Variants in BCAS3 observed in about 807,000 individuals in gnomAD.
BCAS3 encodes BCAS4/BCAS3 fusion.
In BCAS3, 53 loss-of-function variants were observed where a neutral mutation model predicts 116.1. The ratio of observed to expected loss-of-function variants is 0.46; its 90% CI spans 0.37 to 0.57. BCAS3 has a LOEUF of 0.57. Among genes scored for constraint, BCAS3 ranks in the 20% least tolerant of loss-of-function variants. The pLI is 0.00. For synonymous variants in BCAS3, 391 were observed against 408.2 expected (o/e 0.96, Z 0.51); for missense variants, 917 against 1,165.4 (o/e 0.79, Z 3.10).
chr17:60,900,888 G>T (rs2057847973), intron 10 of BCAS3, among the ~76,000 whole-genome samples: 1 of 151,504 alleles, frequency 6.6e-6, no homozygotes, highest in Admixed American at 6.6e-5. Context: ...GTGTAGAACT[G>T]CTGACTCAGT....
At chr17:61,052,061 A>T (rs1268796172) in intron 19 of BCAS3, among the ~76,000 whole-genome samples, 1 of 152,036 alleles carries the variant, frequency 6.6e-6, no homozygotes, top group Non-Finnish European at 1.5e-5. Context: ...GGTTTATGGG[A>T]TTCTTGGATC....
chr17:60,826,648 C>T (rs2050454782), intron 7 of BCAS3, among the ~76,000 whole-genome samples: 1 of 152,140 alleles, frequency 6.6e-6, no homozygotes, highest in African/African-American at 2.4e-5. Context: ...TCTCCCTAAC[C>T]ATTTTACTAC....
rs973681549 is a variant in BCAS3 at position 60,949,033 on chromosome 17, C to T, written c.1221+1681C>T. On this transcript the variant is annotated intron_variant, in intron 14 of 23. Coordinates refer to ENST00000407086, the MANE Select transcript of BCAS3 (RefSeq NM_017679.5). Reference sequence around the variant, plus strand: ...CTGGGATTACAGGCATGTGCCACCACGCCTGGCTAATTTTTGTATGTTTAG... The same window carrying T: ...CTGGGATTACAGGCATGTGCCACCATGCCTGGCTAATTTTTGTATGTTTAG... 2.6e-5 allele frequency among the ~76,000 whole-genome samples: 4 copies of T among 152,066 alleles called. No individual in the cohort carries two copies. The East Asian group carries it at 5.8e-4, about 22-fold the overall frequency.
chr17:60,768,228 T>C (rs2044309510), intron 6 of BCAS3, among the ~76,000 whole-genome samples: 1 of 152,144 alleles, frequency 6.6e-6, no homozygotes, highest in African/African-American at 2.4e-5. Context: ...TAATACTGAG[T>C]GTCAACTTGA....
rs1316817046 is a variant in BCAS3, at chr17:61,145,688, T to C, written c.2425+61124T>C. On this transcript the variant is annotated intron_variant, in intron 22 of 23. Transcript: ENST00000407086. The surrounding 1 kb of genome is among the most constrained non-coding windows in gnomAD (Gnocchi z 5.0). ...ATATCCCTCCCCTTTTTACTTAAGC[T>C]GAAAAAGAATATAAAAATTAAAGAG... Among the ~76,000 whole-genome samples the C allele has an allele frequency of 1.3e-5, 2 of 152,134 alleles. No homozygotes were observed. Among genetic ancestry groups the C allele is most frequent in the African/African-American group, 2.4e-5 (1 of 41,432 alleles).
intron 14 of BCAS3, among the ~76,000 whole-genome samples, chr17:60,954,326 G>C (rs2061006536): frequency 6.6e-6 from 1 of 152,032 alleles, no homozygotes; most frequent in Non-Finnish European, 1.5e-5. Flanking sequence ...TTTTTGCTTA[G>C]GATTACGTTG....
chr17:60,928,141 C>A (rs2059458675), intron 13 of BCAS3, among the ~76,000 whole-genome samples: 1 of 152,092 alleles, frequency 6.6e-6, no homozygotes, highest in East Asian at 1.9e-4. Flanking sequence ...AAGAGATAGT[C>A]CCTATGCATA....
chr17:60,795,338 A>G (rs2047118340), intron 6 of BCAS3, among the ~76,000 whole-genome samples: 1 of 152,130 alleles, frequency 6.6e-6, no homozygotes, highest in South Asian at 2.1e-4. Context: ...AGGGTTTTCA[A>G]GGTAAATGAT....
At chr17:60,816,360 C>T (rs1217208353) in intron 7 of BCAS3, among the ~76,000 whole-genome samples, 1 of 150,520 alleles carries the variant, frequency 6.6e-6, no homozygotes, top group African/African-American at 2.5e-5. Context: ...CGGCAACCTC[C>T]ACCTCCCGGG....
chr17:61,219,756 C>T lies in BCAS3; in HGVS notation c.2425+135192C>T, dbSNP rs73991572. The stretch of plus-strand genomic sequence containing the variant: ...TCCAGCTGCTGCTTGTTTAGATGGC[C>T]GCCTTCCTGGTGACAAGCACTTCTT... On this transcript the variant is annotated intron_variant, in intron 22 of 23. Coordinates refer to ENST00000407086, the MANE Select transcript of BCAS3 (RefSeq NM_017679.5). This position sits in a 1 kb window ranked among gnomAD's most constrained non-coding sequence, Gnocchi z 5.2. 9.1e-3 allele frequency among the ~76,000 whole-genome samples: 1,389 copies of T among 152,204 alleles called. 22 individuals carry two copies. Among genetic ancestry groups the T allele is most frequent in the African/African-American group, 0.03 (1,250 of 41,506 alleles).
At chr17:60,798,137 T>C (rs1255635819) in intron 6 of BCAS3, among the ~76,000 whole-genome samples, 1 of 152,218 alleles carries the variant, frequency 6.6e-6, no homozygotes, top group Non-Finnish European at 1.5e-5. Context: ...GTGGTACATT[T>C]GTTACAAGTG....
At chr17:60,701,817 A>AAAAAGAAAG (rs2036444112) in intron 4 of BCAS3, among the ~76,000 whole-genome samples, 2 of 149,142 alleles carry the variant, frequency 1.3e-5, no homozygotes, top group African/African-American at 5.1e-5. Context: ...AAAAAAAAAA[A>AAAAAGAAAG]AAAAGAAAAA....
Position 61,233,654 on chromosome 17 carries a change from A to G in BCAS3, c.2426-134673A>G, listed in dbSNP as rs1167239777. Among the ~76,000 whole-genome samples the G allele has an allele frequency of 6.6e-6, 1 of 152,206 alleles. No homozygotes were observed. The highest frequency in any genetic ancestry group is 1.5e-5 in the Non-Finnish European group (1 of 68,032). ...ACTGAGGGACCTTGGATAAGTCACA[A>G]TCTTCCTGTCTCATGTTTCTTTTAC... On this transcript the variant is annotated intron_variant, in intron 22 of 23. Transcript: ENST00000407086. The surrounding 1 kb of genome is among the most constrained non-coding windows in gnomAD (Gnocchi z 4.3).
At chr17:60,947,127 G>T in intron 13 of BCAS3, 92 bp from the exon 14 acceptor site, 10 of 1,272,942 alleles carry the variant, frequency 7.9e-6, no homozygotes, top group South Asian at 1.6e-5. Context: ...TTTCCCATTG[G>T]TAATATTTTA....
Position 61,213,362 on chromosome 17 carries a change from G to T in BCAS3, c.2425+128798G>T, listed in dbSNP as rs961935666. 3.9e-5 allele frequency among the ~76,000 whole-genome samples: 6 copies of T among 151,914 alleles called. No individual in the cohort carries two copies. Among genetic ancestry groups the T allele is most frequent in the Non-Finnish European group, 7.4e-5 (5 of 67,974 alleles). On this transcript the variant is annotated intron_variant, in intron 22 of 23. Transcript: ENST00000407086. The surrounding 1 kb of genome is among the most constrained non-coding windows in gnomAD (Gnocchi z 5.4). The stretch of plus-strand genomic sequence containing the variant: ...TTTTTGTATTTTTAGTAGAAACGGG[G>T]TTTCACCAGCTTGGCCAGGCTGGTC...
rs190519226 is a variant in BCAS3, at chr17:61,261,289, A to T, written c.2426-107038A>T. ...TTTAGAGGAGCTGCGACCCAGGGAA[A>T]TCCTGCCTCCCAGTCTTAGCTGGGC... is the stretch of plus-strand genomic sequence containing the variant. On this transcript the variant is annotated intron_variant, in intron 22 of 23. Transcript: ENST00000407086. The surrounding 1 kb of genome is among the most constrained non-coding windows in gnomAD (Gnocchi z 4.4). 1.3e-5 allele frequency among the ~76,000 whole-genome samples: 2 copies of T among 152,342 alleles called. No homozygotes were observed. Among genetic ancestry groups the T allele is most frequent in the African/African-American group, 4.8e-5 (2 of 41,578 alleles).
chr17:60,776,767 A>G (rs1318525019), intron 6 of BCAS3, among the ~76,000 whole-genome samples: 2 of 151,674 alleles, frequency 1.3e-5, no homozygotes, highest in Non-Finnish European at 2.9e-5. Flanking sequence ...TGTAATCCCA[A>G]CACTTTGGGA....
chr17:61,244,736 A>C lies in BCAS3; in HGVS notation c.2426-123591A>C, dbSNP rs547916780. Among the ~76,000 whole-genome samples, 36 of 152,138 alleles carry C rather than the reference A, an allele frequency of 2.4e-4. No individual in the cohort carries two copies. Among genetic ancestry groups the C allele is most frequent in the South Asian group, 8.3e-4 (4 of 4,816 alleles). On this transcript the variant is annotated intron_variant, in intron 22 of 23. Transcript: ENST00000407086. The surrounding 1 kb of genome is among the most constrained non-coding windows in gnomAD (Gnocchi z 4.9). The stretch of plus-strand genomic sequence containing the variant: ...AAATTAGCAGGGCGTGGTGGTGGGC[A>C]CCTGTAGTCCCAGTTACTTGGGAGA...
intron 14 of BCAS3, among the ~76,000 whole-genome samples, chr17:60,974,563 C>G (rs1182225591): frequency 6.6e-6 from 1 of 152,076 alleles, no homozygotes; most frequent in African/African-American, 2.4e-5. Flanking sequence ...TGGACTATGA[C>G]TACAGTACGT....
Sources: gnomAD v4.1 joint callset for allele counts (sites outside exome capture counted in the v4.1 genomes callset) on GRCh38, gnomAD v4.1.1 for gene constraint, Gnocchi (gnomAD v3.1) non-coding constraint, MANE v1.5 for transcripts, NCBI Gene and HGNC (gene_info 2026-07-23, HGNC 2026-07-21) for gene names.